PCDHA1: variants seen among roughly 807,000 people sequenced by gnomAD.
The protein encoded by PCDHA1 is protocadherin alpha 1.
In PCDHA1, 42 loss-of-function variants were observed where a neutral mutation model predicts 61.3. The ratio of observed to expected loss-of-function variants is 0.69; its 90% confidence interval spans 0.54 to 0.89. The LOEUF (loss-of-function observed/expected upper bound fraction) is 0.89, where lower values mean the gene tolerates loss of function less well. Ranked by LOEUF, PCDHA1 falls within the 40% of genes least tolerant of loss-of-function variation. PCDHA1 has a pLI of 0.00. For synonymous variants in PCDHA1, 610 were observed against 553.8 expected (o/e 1.10, Z -1.43); for missense variants, 1,256 against 1,235.3 (o/e 1.02, Z -0.25).
At chr5:140,994,753 G>T (rs143791883) in intron 3 of PCDHA1, among the ~76,000 whole-genome samples, 6 of 152,252 alleles carry the variant, frequency 3.9e-5, no homozygotes, top group Non-Finnish European at 7.3e-5. Context: ...AGTAGGATGT[G>T]GAGAGGAAGA....
intron 1 of PCDHA1, among the ~76,000 whole-genome samples, chr5:140,975,784 A>T (rs1216156931): frequency 1.3e-5 from 2 of 151,914 alleles, no homozygotes; most frequent in African/African-American, 4.8e-5. Flanking sequence ...CCATTACAAG[A>T]TAAATTAAAT....
At chr5:140,905,611 T>C (rs1396340503) in intron 1 of PCDHA1, among the ~76,000 whole-genome samples, 1 of 152,224 alleles carries the variant, frequency 6.6e-6, no homozygotes, top group South Asian at 2.1e-4. Flanking sequence ...ATTGAATCTA[T>C]AGATTGCTTT....
intron 3 of PCDHA1, among the ~76,000 whole-genome samples, chr5:140,987,875 G>A (rs1293461683): frequency 6.6e-6 from 1 of 152,008 alleles, no homozygotes; most frequent in Non-Finnish European, 1.5e-5. Flanking sequence ...GTGGAAAATG[G>A]ACAGTTTATG....
intron 1 of PCDHA1, chr5:140,827,965 TGC>T: frequency 7.5e-7 from 1 of 1,335,940 alleles, no homozygotes; most frequent in South Asian, 1.4e-5. Context: ...CTTCTATTAC[TGC>T]ATCATTCCCT....
rs782703821 is a variant in PCDHA1, at chr5:140,787,215, G to C, written c.925G>C (p.Asp309His). 1.6e-4 allele frequency: 257 copies of C among 1,614,000 alleles called. No individual in the cohort carries two copies. Among genetic ancestry groups the C allele is most frequent in the Non-Finnish European group, 2.1e-4 (252 of 1,180,008 alleles). The change falls in exon 1 of 4, where the codon GAT (aspartate) becomes CAT (histidine). Residue 309 changes from aspartate to histidine, a missense_variant. Physicochemically the swap from Asp to His is moderately conservative, Grantham distance 81 (BLOSUM62 -1). Coordinates refer to ENST00000504120, the MANE Select transcript of PCDHA1 (RefSeq NM_018900.4). ...SGEIRLIDKLDYEETKSYEIQ... is the reference protein window; with the variant it reads ...SGEIRLIDKLHYEETKSYEIQ... ...AGAAATTAGGTTAATTGATAAACTGGATTATGAAGAAACAAAATCCTACGA... is the reference window on the plus strand; with the variant it reads ...AGAAATTAGGTTAATTGATAAACTGCATTATGAAGAAACAAAATCCTACGA...
intron 1 of PCDHA1, chr5:140,864,131 C>T (rs1191478097): frequency 2.0e-5 from 3 of 152,082 alleles, no homozygotes; most frequent in Non-Finnish European, 2.9e-5. Context: ...GACTGAGTGG[C>T]TGTTTCCTGT....
rs116232949 is a variant in PCDHA1, at chr5:140,982,448, G to A, written c.2454-27G>A. The A allele has an allele frequency of 4.0e-3, 6,396 of 1,613,770 alleles. 180 individuals carry two copies. In the African/African-American group the frequency reaches 0.067, roughly 17 times the overall value. ...ATGGGAAAGAATTTATGATCTAACC[G>A]TTATCTGGGTCTGTGTGTTTATTCA... On this transcript the variant is annotated intron_variant, in intron 2 of 3. Coordinates refer to ENST00000504120, the MANE Select transcript of PCDHA1 (RefSeq NM_018900.4).
At chr5:140,877,575 C>G (rs1244471489) in intron 1 of PCDHA1, 1 of 1,613,708 alleles carries the variant, frequency 6.2e-7, no homozygotes, top group East Asian at 2.2e-5. Context: ...TGTACCTCAT[C>G]ATCGCCATCT....
intron 1 of PCDHA1, chr5:140,809,265 T>C: frequency 6.2e-7 from 1 of 1,614,084 alleles, no homozygotes. Flanking sequence ...GATGCTGCGC[T>C]GGTGGATGTC....
At chr5:140,794,343 G>A (rs1761851648) in intron 1 of PCDHA1, among the ~76,000 whole-genome samples, 1 of 152,204 alleles carries the variant, frequency 6.6e-6, no homozygotes, top group African/African-American at 2.4e-5. Context: ...CTACAACATG[G>A]ATGAACCTTG....
rs145175505 is a variant in PCDHA1, at chr5:140,843,176, C to T, written c.2394+54492C>T. On this transcript the variant is annotated intron_variant, in intron 1 of 3. Coordinates refer to ENST00000504120, the MANE Select transcript of PCDHA1 (RefSeq NM_018900.4). ...GCTGCAGCCAGCTGCAAGCAGCCCT[C>T]GCATCCCGTTCCGCGTGGGGCTGTA... 1.2e-5 allele frequency: 19 copies of T among 1,595,968 alleles called. 3 individuals carry two copies. Among genetic ancestry groups the T allele is most frequent in the Non-Finnish European group, 1.5e-5 (18 of 1,165,618 alleles).
chr5:140,849,816 G>T lies in PCDHA1; in HGVS notation c.2394+61132G>T, dbSNP rs2150451582. ...GCCTTCACTGTGGGCCACGGCCAGG[G>T]TGTCTGTGGAGGTGGCCGACGTGAA... On this transcript the variant is annotated intron_variant, in intron 1 of 3. Transcript: ENST00000504120. 94 of 1,598,462 alleles carry T rather than the reference G, an allele frequency of 5.9e-5. 8 individuals are homozygous for T. Among genetic ancestry groups the T allele is most frequent in the Admixed American group, 5.1e-5 (3 of 59,318 alleles).
At chr5:140,821,867 A>G (rs2150111364) in intron 1 of PCDHA1, 51 of 1,614,024 alleles carry the variant, frequency 3.2e-5, no homozygotes, top group Non-Finnish European at 4.2e-5. Context: ...GGCCAGCTCC[A>G]CTACTCGATC....
Position 140,855,272 on chromosome 5 carries a change from A to G in PCDHA1, c.2394+66588A>G, listed in dbSNP as rs527268244. Among the ~76,000 whole-genome samples the G allele has an allele frequency of 6.0e-5, 9 of 149,830 alleles. 1 individual carries two copies. In the South Asian group the frequency reaches 1.7e-3, roughly 28 times the overall value. ...CACTTACTATATTATAATTCACTCA[A>G]CCACCGTATTACTATTAGGCCAAAG... On this transcript the variant is annotated intron_variant, in intron 1 of 3. Transcript: ENST00000504120.
At position 140,856,269 on chromosome 5, in the gene PCDHA1, T is replaced by C. The variant is rs367902357; in HGVS notation, c.2394+67585T>C. On this transcript the variant is annotated intron_variant, in intron 1 of 3. Transcript: ENST00000504120. ...GCGTCCAAAAGACACGGGGACCTTC[T>C]GGAGGTAAATCTGCAGAATGGCATT... 5.2e-5 allele frequency: 83 copies of C among 1,598,182 alleles called. 3 individuals are homozygous for C. In the South Asian group the frequency reaches 5.5e-4, roughly 11 times the overall value.
At chr5:141,006,406 G>A (rs553100919) in intron 3 of PCDHA1, among the ~76,000 whole-genome samples, 1 of 152,050 alleles carries the variant, frequency 6.6e-6, no homozygotes, top group East Asian at 1.9e-4. Context: ...GTAGAGACGC[G>A]GTTTCACTGT....
intron 1 of PCDHA1, among the ~76,000 whole-genome samples, chr5:140,964,573 G>A (rs191009049): frequency 3.0e-4 from 45 of 152,274 alleles, no homozygotes; most frequent in African/African-American, 1.9e-4. Flanking sequence ...GAGGAGATAA[G>A]GGGAGGAAAG....
chr5:140,928,555 A>G, intron 1 of PCDHA1: 1 of 1,614,240 alleles, frequency 6.2e-7, no homozygotes, highest in Non-Finnish European at 8.5e-7. Flanking sequence ...TTATCCGGTT[A>G]TCTTGTTTCC....
At position 141,009,772 on chromosome 5, in the gene PCDHA1, C is replaced by G. The variant is rs782009776; in HGVS notation, c.2688C>G (p.Ile896Met). Residue 896 changes from isoleucine (I) to methionine (M), a missense_variant, in exon 4 of 4, where the codon ATC becomes ATG. By Grantham distance (10) the Ile-to-Met change is conservative (BLOSUM62 1). Transcript: ENST00000504120. ...TCATTATCCCAGGATCTCCTGCAAT[C>G]ATCTCCATCCGGCAGGAGCCTACTA... ...DKFIIPGSPA[I>M]ISIRQEPTNS... 4 of 1,614,158 alleles carry G rather than the reference C, an allele frequency of 2.5e-6. No individual in the cohort carries two copies. The East Asian group carries it at 8.9e-5, about 36-fold the overall frequency.
Sources: gnomAD v4.1 joint callset for allele counts (sites outside exome capture counted in the v4.1 genomes callset) on GRCh38, gnomAD v4.1.1 for gene constraint, MANE v1.5 for transcripts, NCBI Gene and HGNC (gene_info 2026-07-23, HGNC 2026-07-21) for gene names.